ACTR3C: variants seen among roughly 807,000 people sequenced by gnomAD.
The protein encoded by ACTR3C is actin-related protein 3C.
In ACTR3C, 18 loss-of-function variants were observed where a neutral mutation model predicts 26.3. The ratio of observed to expected loss-of-function variants is 0.68; its 90% CI spans 0.47 to 1.01. ACTR3C has a LOEUF of 1.01. Ranked by LOEUF, ACTR3C falls within the 50% of genes least tolerant of loss-of-function variation. The probability of loss-of-function intolerance (pLI) is 0.00; values close to 1 mark genes in which losing one functional copy is unlikely to be tolerated. For synonymous variants in ACTR3C, 55 were observed against 94.5 expected, an observed-to-expected ratio of 0.58 and a Z score of 2.42; for missense variants, 184 against 250.7, an observed-to-expected ratio of 0.73 and a Z score of 1.80.
chr7:150,107,899 G>A, the ACTR3C span, among the ~76,000 whole-genome samples: 1 of 152,012 alleles, frequency 6.6e-6, no homozygotes, highest in Non-Finnish European at 1.5e-5. Flanking sequence ...AACGTTTAGA[G>A]CTTTTTTGGA....
At chr7:150,286,649 C>A (rs1835800886) in intron 4 of ACTR3C, 109 bp from the exon 5 acceptor site, 2 of 1,427,148 alleles carry the variant, frequency 1.4e-6, no homozygotes, top group Non-Finnish European at 1.9e-6. Context: ...GGGATCAGAA[C>A]CGCCCCCACC....
the ACTR3C span, among the ~76,000 whole-genome samples, chr7:149,991,729 GT>G: frequency 6.6e-6 from 1 of 152,134 alleles, no homozygotes; most frequent in Non-Finnish European, 1.5e-5. Context: ...TCGATCTTAT[GT>G]TTTTTTGGTT....
the ACTR3C span, among the ~76,000 whole-genome samples, chr7:149,918,629 G>T: frequency 6.6e-6 from 1 of 152,224 alleles, no homozygotes; most frequent in Non-Finnish European, 1.5e-5. Flanking sequence ...GGCGGAGGTT[G>T]CAGTGAGTTG....
At chr7:150,254,956 T>C (rs903918289) in intron 6 of ACTR3C, among the ~76,000 whole-genome samples, 6 of 152,310 alleles carry the variant, frequency 3.9e-5, no homozygotes, top group African/African-American at 1.2e-4. Context: ...ACAACTTTGA[T>C]GAGTTGACTT....
chr7:149,986,506 GT>G, the ACTR3C span, among the ~76,000 whole-genome samples: 1 of 152,176 alleles, frequency 6.6e-6, no homozygotes. Flanking sequence ...CAGTCATAGT[GT>G]TTTCTGTTTC....
intron 6 of ACTR3C, among the ~76,000 whole-genome samples, chr7:150,265,609 G>A (rs1447016358): frequency 1.3e-5 from 2 of 152,202 alleles, no homozygotes; most frequent in South Asian, 4.2e-4. Context: ...CAGGAGAATC[G>A]CTTGAACCCG....
At chr7:149,943,583 C>G in the ACTR3C span, among the ~76,000 whole-genome samples, 1 of 151,862 alleles carries the variant, frequency 6.6e-6, no homozygotes, top group African/African-American at 2.4e-5. Context: ...AAAAAATTAG[C>G]TGGGCATGGT....
At chr7:150,088,667 GT>G in the ACTR3C span, among the ~76,000 whole-genome samples, 28 of 152,134 alleles carry the variant, frequency 1.8e-4, no homozygotes, top group Middle Eastern at 3.4e-3. Flanking sequence ...AGTGATAGGT[GT>G]TTTTGACATT....
the ACTR3C span, among the ~76,000 whole-genome samples, chr7:149,971,755 G>A: frequency 6.6e-6 from 1 of 152,048 alleles, no homozygotes; most frequent in Non-Finnish European, 1.5e-5. Context: ...TTACCCTTTC[G>A]TGTGCCCTGA....
At chr7:150,126,656 C>T in the ACTR3C span, among the ~76,000 whole-genome samples, 4 of 152,186 alleles carry the variant, frequency 2.6e-5, no homozygotes, top group African/African-American at 9.6e-5. Flanking sequence ...ATAGGCCCAA[C>T]AAGTGCTTTG....
At chr7:150,261,236 T>C (rs1488857886) in intron 6 of ACTR3C, among the ~76,000 whole-genome samples, 1 of 152,198 alleles carries the variant, frequency 6.6e-6, no homozygotes, top group Non-Finnish European at 1.5e-5. Context: ...AATGCAACTG[T>C]GGCTGCTGCC....
At chr7:150,124,424 G>C in the ACTR3C span, among the ~76,000 whole-genome samples, 1 of 152,182 alleles carries the variant, frequency 6.6e-6, no homozygotes, top group East Asian at 1.9e-4. Context: ...TGATGGAGTG[G>C]TATGCAGTTG....
the ACTR3C span, among the ~76,000 whole-genome samples, chr7:150,021,278 G>A: frequency 6.6e-6 from 1 of 151,916 alleles, no homozygotes; most frequent in Admixed American, 6.5e-5. Flanking sequence ...TGGATTATAA[G>A]TTCATTCCTT....
At chr7:150,053,530 T>A in the ACTR3C span, among the ~76,000 whole-genome samples, 1 of 152,276 alleles carries the variant, frequency 6.6e-6, no homozygotes, top group Non-Finnish European at 1.5e-5. Flanking sequence ...GCTTGCGGTA[T>A]GGTCAGCCTT....
the ACTR3C span, among the ~76,000 whole-genome samples, chr7:150,123,814 G>T: frequency 2.0e-5 from 3 of 152,186 alleles, no homozygotes; most frequent in African/African-American, 7.2e-5. Flanking sequence ...GAAAAGTGGG[G>T]CTACCGTGCA....
chr7:150,248,994 A>G lies in ACTR3C; in HGVS notation c.625T>C (p.Phe209Leu). ...GGGCTCAATATATCATCTCAATGAA[A>G]TGGAGGTGACAGAGGATGGAATCCG... ...GHGFHPLSPPFH is the reference protein window; with the variant it reads ...GHGFHPLSPPLH Residue 209 changes from phenylalanine (F) to leucine (L), a missense_variant, in exon 7 of 8, where the codon TTT becomes CTT. Phe to Leu is a conservative substitution (Grantham distance 22). Transcript: ENST00000683684. The G allele has an allele frequency of 1.5e-6, 1 of 679,654 alleles. No homozygotes were observed. Among genetic ancestry groups the G allele is most frequent in the Middle Eastern group, 2.3e-4 (1 of 4,272 alleles). 42.1% of individuals were successfully genotyped at this position (679,654 alleles called of 1,614,324 possible).
the ACTR3C span, among the ~76,000 whole-genome samples, chr7:150,104,393 T>C: frequency 6.6e-6 from 1 of 152,018 alleles, no homozygotes; most frequent in Non-Finnish European, 1.5e-5. Flanking sequence ...AAAGTTCAAA[T>C]ACAGAACACT....
At chr7:150,071,789 G>A in the ACTR3C span, among the ~76,000 whole-genome samples, 4 of 151,900 alleles carry the variant, frequency 2.6e-5, no homozygotes, top group East Asian at 1.9e-4. Context: ...ACTCCAGAAC[G>A]TGGTTTCCTC....
At chr7:150,195,123 G>GTATATA in the ACTR3C span, among the ~76,000 whole-genome samples, 5 of 133,458 alleles carry the variant, frequency 3.7e-5, no homozygotes, top group South Asian at 4.6e-4. Context: ...ATATATATAT[G>GTATATA]TATATATATA....
Sources: allele counts gnomAD v4.1 joint callset (sites outside exome capture counted in the v4.1 genomes callset), GRCh38; gene constraint gnomAD v4.1.1; transcripts MANE v1.5; gene names NCBI Gene and HGNC (gene_info 2026-07-23, HGNC 2026-07-21).